The following HERC2 variants were observed in gnomAD, a reference collection of about 807,000 sequenced individuals.
HERC2 encodes the protein HECT and RLD domain containing E3 ubiquitin protein ligase 2.
In HERC2, 102 loss-of-function variants were observed where a neutral mutation model predicts 537.7. The ratio of observed to expected loss-of-function variants is 0.19; its 90% confidence interval spans 0.16 to 0.22. The LOEUF (loss-of-function observed/expected upper bound fraction) is 0.22, where lower values mean the gene tolerates loss of function less well. Among genes scored for constraint, HERC2 ranks in the 10% least tolerant of loss-of-function variants. The pLI is 1.00. For synonymous variants in HERC2, 2,224 were observed against 2,466.2 expected, an observed-to-expected ratio of 0.90 and a Z score of 2.91; for missense variants, 4,236 against 6,198.2, an observed-to-expected ratio of 0.68 and a Z score of 10.63.
chr15:28,142,222 AAATATCATGC>A lies in HERC2; in HGVS notation c.11700+6_11700+15del, dbSNP rs749544972. ...TTTTTGCATCCCAAAAGTGATTCCA[AAATATCATGC>A]AATACCTCATCAAGAAACAGACGGG... On this transcript the variant is annotated splice_donor_region_variant and intron_variant, in intron 76 of 92. Transcript: ENST00000261609. The A allele has an allele frequency of 6.2e-7, 1 of 1,608,530 alleles. No homozygotes were observed.
intron 85 of HERC2, among the ~76,000 whole-genome samples, chr15:28,123,751 G>C (rs976372776): frequency 6.6e-6 from 1 of 152,182 alleles, no homozygotes; most frequent in African/African-American, 2.4e-5. Context: ...AGTTTATGAA[G>C]GCCCCACCTC....
chr15:28,249,234 C>G (rs1343578404), intron 20 of HERC2, among the ~76,000 whole-genome samples: 1 of 152,222 alleles, frequency 6.6e-6, no homozygotes, highest in Admixed American at 6.5e-5. Flanking sequence ...CCACATCTGC[C>G]TTGCAAGTCC....
At position 28,114,631 on chromosome 15, in the gene HERC2, G is replaced by A. The variant is rs138594015; in HGVS notation, c.13894C>T (p.Arg4632Trp). Residue 4632 changes from arginine to tryptophan, a missense_variant, in exon 90 of 93, where the codon CGG (arginine) becomes TGG (tryptophan). Transcript: ENST00000261609. The stretch of plus-strand genomic sequence containing the variant: ...ACCAACCTATAGTTTATCGCCAGCC[G>A]CACGTACTCCGCGCGGTTGTCCAGG... Reference protein sequence around the residue: ...ITLDNRAEYVRLAINYRLHEF... With the variant: ...ITLDNRAEYVWLAINYRLHEF... 2.2e-5 allele frequency: 35 copies of A among 1,613,736 alleles called. No homozygotes were observed. Among genetic ancestry groups the A allele is most frequent in the African/African-American group, 9.3e-5 (7 of 74,970 alleles).
chr15:28,228,407 T>C lies in HERC2; in HGVS notation c.5275A>G (p.Ile1759Val). 1.9e-6 allele frequency: 3 copies of C among 1,611,978 alleles called. No individual in the cohort carries two copies. Among genetic ancestry groups the C allele is most frequent in the Non-Finnish European group, 2.5e-6 (3 of 1,179,808 alleles). ...DASAKFKELG[I>V]QPVPLQTITN... ...ATGGTTTGCAGGGGAACCGGCTGGA[T>C]ACCTAATGAGCATTGGCACCTACTG... is the stretch of plus-strand genomic sequence containing the variant. Residue 1759 changes from isoleucine to valine, a missense_variant and splice_region_variant, in exon 35 of 93, where the codon ATC becomes GTC. Transcript: ENST00000261609.
chr15:28,276,722 GCGAGA>G (rs1383703820), intron 5 of HERC2, among the ~76,000 whole-genome samples: 1 of 151,250 alleles, frequency 6.6e-6, no homozygotes, highest in East Asian at 1.9e-4. Flanking sequence ...GGGCGACAAA[GCGAGA>G]CTCTGTCTCA....
At chr15:28,167,115 A>G (rs1011424082) in intron 68 of HERC2, among the ~76,000 whole-genome samples, 4 of 152,260 alleles carry the variant, frequency 2.6e-5, no homozygotes, top group African/African-American at 9.6e-5. Flanking sequence ...AGGTAAAAGT[A>G]TGATGAGGAA....
chr15:28,175,294 G>A (rs1895158097), intron 64 of HERC2, among the ~76,000 whole-genome samples: 1 of 152,022 alleles, frequency 6.6e-6, no homozygotes, highest in African/African-American at 2.4e-5. Context: ...GAGTGGGAAC[G>A]CCTCTTTTCT....
chr15:28,286,706 A>G (rs1375075378), intron 4 of HERC2, among the ~76,000 whole-genome samples: 1 of 152,236 alleles, frequency 6.6e-6, no homozygotes, highest in Non-Finnish European at 1.5e-5. Flanking sequence ...CACGGCAGAG[A>G]GAATCATTAA....
intron 70 of HERC2, among the ~76,000 whole-genome samples, chr15:28,152,303 G>A (rs4932600): frequency 1 from 152,342 of 152,354 alleles, 76,165 homozygotes; most frequent in Middle Eastern, 1. Flanking sequence ...AGATATACAC[G>A]TGGGTAACAG....
At position 28,113,409 on chromosome 15, in the gene HERC2, G is replaced by A; in HGVS notation, c.14020-126C>T. On this transcript the variant is annotated intron_variant, in intron 91 of 92. Transcript: ENST00000261609. This position sits in a 1 kb window ranked among gnomAD's most constrained non-coding sequence, Gnocchi z 7.0. ...GGGGAAAGGTCTGGGGGCTCTGGGT[G>A]GGCCCACACACAGCCTCCTGCAGGC... is the stretch of plus-strand genomic sequence containing the variant. 1 of 1,148,292 alleles carries A rather than the reference G, an allele frequency of 8.7e-7. No individual in the cohort carries two copies. The highest frequency in any genetic ancestry group is 1.3e-6 in the Non-Finnish European group (1 of 787,984). The allele number at this position is 1,148,292 out of a possible 1,614,324, so 71.1% of individuals were successfully genotyped here. A position where few individuals can be genotyped will look rare whatever the true frequency, so the allele number is the denominator to read the frequency against.
intron 45 of HERC2, among the ~76,000 whole-genome samples, chr15:28,204,786 T>C (rs1246083963): frequency 2.6e-5 from 4 of 152,168 alleles, no homozygotes; most frequent in Non-Finnish European, 4.4e-5. Flanking sequence ...GCAAAGCATC[T>C]TGACCTTTCA....
rs764015709 is a variant in HERC2, at chr15:28,190,989, C to T, written c.8625G>A (p.Val2875=). Residue 2875 remains valine, a synonymous_variant, in exon 55 of 93, where the codon GTG becomes GTA. Transcript: ENST00000261609. The part of the protein sequence containing the change: ...TININPSDTT[V]PLLNDCTEYH... ...CCTCTGTGCAGTCATTCAGAAGGGG[C>T]ACTGTGGTGTCAGAAGGGTTAATAT... 3 of 1,610,304 alleles carry T rather than the reference C, an allele frequency of 1.9e-6. No individual in the cohort carries two copies. Among genetic ancestry groups the T allele is most frequent in the African/African-American group, 2.7e-5 (2 of 74,838 alleles).
In HERC2 at chr15:28,314,253, G is replaced by A. The variant is rs151122884; in HGVS notation, c.72+7109C>T. On this transcript the variant is annotated intron_variant, in intron 2 of 92. Coordinates refer to ENST00000261609, the MANE Select transcript of HERC2 (RefSeq NM_004667.6). Reference sequence around the variant, plus strand: ...AATAGAAGTCAACAGAACAGACCAAGAGTAGATCCTGAAAACAGAAATATA... The same window carrying A: ...AATAGAAGTCAACAGAACAGACCAAAAGTAGATCCTGAAAACAGAAATATA... Among the ~76,000 whole-genome samples, 601 of 152,160 alleles carry A rather than the reference G, an allele frequency of 3.9e-3. 1 individual carries two copies. Among genetic ancestry groups the A allele is most frequent in the African/African-American group, 0.014 (573 of 41,492 alleles).
At chr15:28,143,409 G>A (rs955083490) in intron 74 of HERC2, among the ~76,000 whole-genome samples, 1 of 152,036 alleles carries the variant, frequency 6.6e-6, no homozygotes, top group African/African-American at 2.4e-5. Context: ...TGCAACATAC[G>A]AGAAGTCTGG....
chr15:28,158,528 AG>A (rs1271235706), intron 69 of HERC2, among the ~76,000 whole-genome samples: 1 of 152,092 alleles, frequency 6.6e-6, no homozygotes, highest in African/African-American at 2.4e-5. Flanking sequence ...GGTGGTTTAA[AG>A]TCCGTTTTAT....
At chr15:28,221,949 C>T (rs1900562242) in intron 36 of HERC2, 79 bp downstream of exon 36, 1 of 1,034,340 alleles carries the variant, frequency 9.7e-7, no homozygotes, top group African/African-American at 1.5e-5. Context: ...ATTCCAATTT[C>T]CACCCACCAA....
Position 28,196,349 on chromosome 15 carries a change from T to A in HERC2, c.8126A>T (p.Asp2709Val). Residue 2709 changes from aspartate (D) to valine (V), a missense_variant, in exon 52 of 93, where the codon GAT becomes GTT. Coordinates refer to ENST00000261609, the MANE Select transcript of HERC2 (RefSeq NM_004667.6). Reference protein sequence around the residue: ...VPSIHPGVTCDGCQMFPINGS... With the variant: ...VPSIHPGVTCVGCQMFPINGS... ...ATTGATAGGAAACATCTGACATCCA[T>A]CACACCTATTTGTAAAATAGCAACT... 1 of 1,341,356 alleles carries A rather than the reference T, an allele frequency of 7.5e-7. No homozygotes were observed. The allele number at this position is 1,341,356 out of a possible 1,614,324, so 83.1% of individuals were successfully genotyped here. A position where few individuals can be genotyped will look rare whatever the true frequency, so the allele number is the denominator to read the frequency against.
At chr15:28,249,425 CAAGAA>C (rs1904052152) in intron 20 of HERC2, among the ~76,000 whole-genome samples, 2 of 152,118 alleles carry the variant, frequency 1.3e-5, no homozygotes, top group South Asian at 2.1e-4. Context: ...TGGAAGATGA[CAAGAA>C]AAGAGAAGAA....
In HERC2 at chr15:28,160,876, GC is replaced by G. The variant is rs756467786; in HGVS notation, c.10746+2217del. Among the ~76,000 whole-genome samples, 17 of 152,072 alleles carry G rather than the reference GC, an allele frequency of 1.1e-4. No individual in the cohort carries two copies. The South Asian group carries it at 1.2e-3, about 11-fold the overall frequency. ...GTTCCTATTCAGCCATCTTGGCACC[GC>G]CCCCCGCTCAGCATTATTTTAAATC... On this transcript the variant is annotated intron_variant, in intron 69 of 92. Coordinates refer to ENST00000261609, the MANE Select transcript of HERC2 (RefSeq NM_004667.6).
Sources: gnomAD v4.1 joint callset for allele counts (sites outside exome capture counted in the v4.1 genomes callset) on GRCh38, gnomAD v4.1.1 for gene constraint, Gnocchi (gnomAD v3.1) non-coding constraint, MANE v1.5 for transcripts, NCBI Gene and HGNC (gene_info 2026-07-23, HGNC 2026-07-21) for gene names.